Variants in ZNF516 observed in about 807,000 individuals in gnomAD.
ZNF516 encodes the protein zinc finger protein 516.
A neutral mutation model predicts 79.7 loss-of-function variants in ZNF516; 19 were observed. The ratio of observed to expected loss-of-function variants is 0.24; its 90% CI spans 0.17 to 0.35. ZNF516 has a LOEUF of 0.35. Among genes scored for constraint, ZNF516 ranks in the 10% least tolerant of loss-of-function variants. ZNF516 has a pLI of 1.00. For synonymous variants in ZNF516, 877 were observed against 739.5 expected (o/e 1.19, Z -3.02); for missense variants, 1,678 against 1,679.5 (o/e 1.00, Z 0.02).
In ZNF516 at chr18:76,359,559, A is replaced by G. The variant is rs690048; in HGVS notation, c.*2939T>C. ...GCAAAAATGAGGAAGAGATATGAGC[A>G]GGAAACAGGAGAGTATAGGAAGGCA... On this transcript the variant is annotated 3_prime_UTR_variant, in exon 7 of 7. Transcript: ENST00000443185. 0.95 allele frequency: 145,288 copies of G among 152,184 alleles called. 69,445 individuals carry two copies. Among genetic ancestry groups the G allele is most frequent in the East Asian group, 1 (5,139 of 5,140 alleles). 9.4% of individuals were successfully genotyped at this position (152,184 alleles called of 1,614,324 possible). A position where few individuals can be genotyped will look rare whatever the true frequency, so the allele number is the denominator to read the frequency against.
At chr18:76,377,330 A>G (rs1467162862) in intron 4 of ZNF516, among the ~76,000 whole-genome samples, 6 of 152,292 alleles carry the variant, frequency 3.9e-5, no homozygotes, top group Admixed American at 1.3e-4. Context: ...AAAGTTCACA[A>G]GTGCTCAGCG....
At chr18:76,395,111 G>A (rs1462136941) in intron 3 of ZNF516, among the ~76,000 whole-genome samples, 1 of 152,172 alleles carries the variant, frequency 6.6e-6, no homozygotes, top group Non-Finnish European at 1.5e-5. Flanking sequence ...GACAAAGCCT[G>A]CATGCCTGCA....
At chr18:76,406,665 G>C (rs1184021437) in intron 3 of ZNF516, among the ~76,000 whole-genome samples, 1 of 152,218 alleles carries the variant, frequency 6.6e-6, no homozygotes, top group Non-Finnish European at 1.5e-5. Context: ...TCCTGGCTCT[G>C]CTGGCCTGTC....
chr18:76,434,128 G>C (rs2075699464), intron 3 of ZNF516, among the ~76,000 whole-genome samples: 2 of 152,184 alleles, frequency 1.3e-5, no homozygotes, highest in African/African-American at 4.8e-5. Flanking sequence ...GATCCTGCCT[G>C]GTCCATGAGA....
intron 1 of ZNF516, chr18:76,490,299 G>C (rs905960841): frequency 1.0e-5 from 6 of 593,080 alleles, no homozygotes; most frequent in African/African-American, 2.0e-5. Context: ...GGGGGGGCGA[G>C]GGGTTCTCAG....
In ZNF516 at chr18:76,379,295, C is replaced by T; in HGVS notation, c.2819G>A (p.Gly940Asp). The stretch of plus-strand genomic sequence containing the variant: ...CTTGCTATTGGCCGAGGGCTGCGCG[C>T]CAGCCCGGGCGATGACGGTGGGCGT... Reference protein sequence around the residue: ...TPTPTVIARAGAQPSANSKPV... With the variant: ...TPTPTVIARADAQPSANSKPV... The change falls in exon 4 of 7, where the codon GGC becomes GAC. Residue 940 changes from glycine to aspartate, a missense_variant. By Grantham distance (94) the Gly-to-Asp change is moderately conservative. Around this residue, in one of 5 missense-constraint regions of ZNF516, gnomAD observed 1,294 missense variants for 1,248.3 expected, o/e 1.04. Coordinates refer to ENST00000443185, the MANE Select transcript of ZNF516 (RefSeq NM_014643.4). 6.2e-7 allele frequency: 1 copy of T among 1,609,034 alleles called. No homozygotes were observed.
At chr18:76,402,895 C>T (rs531988105) in intron 3 of ZNF516, among the ~76,000 whole-genome samples, 1 of 152,292 alleles carries the variant, frequency 6.6e-6, no homozygotes, top group South Asian at 2.1e-4. Flanking sequence ...CTGCTGTCTG[C>T]GCTCGCAGGA....
In ZNF516 at chr18:76,459,256, T is replaced by C. The variant is rs1217898750; in HGVS notation, c.-158+3772A>G. On this transcript the variant is annotated intron_variant, in intron 2 of 6. Transcript: ENST00000443185. This position sits in a 1 kb window ranked among gnomAD's most constrained non-coding sequence, Gnocchi z 5.0. ...GCCCCGAGCTTCGGCTTCTCCTCCA[T>C]GCACGGTCACTGCTGGAGGCACACT... is the stretch of plus-strand genomic sequence containing the variant. 2.0e-5 allele frequency among the ~76,000 whole-genome samples: 3 copies of C among 152,152 alleles called. No homozygotes were observed. Among genetic ancestry groups the C allele is most frequent in the Non-Finnish European group, 4.4e-5 (3 of 68,026 alleles).
intron 2 of ZNF516, among the ~76,000 whole-genome samples, chr18:76,446,578 T>C (rs1912063932): frequency 6.6e-6 from 1 of 152,170 alleles, no homozygotes; most frequent in Non-Finnish European, 1.5e-5. Flanking sequence ...ACCCCCGCCC[T>C]AGCTAGAGCC....
intron 3 of ZNF516, among the ~76,000 whole-genome samples, chr18:76,434,083 C>A (rs73975431): frequency 6.8e-4 from 101 of 147,970 alleles, no homozygotes; most frequent in African/African-American, 2.4e-3. Flanking sequence ...ACTGACGGCT[C>A]GGAGTGGAAT....
At chr18:76,395,521 C>A (rs1371524177) in intron 3 of ZNF516, among the ~76,000 whole-genome samples, 1 of 152,102 alleles carries the variant, frequency 6.6e-6, no homozygotes, top group African/African-American at 2.4e-5. Context: ...CTCTTAAGGA[C>A]CTGCAAATAA....
intron 3 of ZNF516, among the ~76,000 whole-genome samples, chr18:76,431,382 C>T (rs2075658633): frequency 6.6e-6 from 1 of 152,156 alleles, no homozygotes; most frequent in South Asian, 2.1e-4. Flanking sequence ...TGATGCAAAT[C>T]AAATGGCAAG....
In ZNF516 at chr18:76,379,404, G is replaced by A. The variant is rs1359985156; in HGVS notation, c.2710C>T (p.Pro904Ser). ...QEPHGAATQGPLAKPRQEASS... is the reference protein window; with the variant it reads ...QEPHGAATQGSLAKPRQEASS... ...GCCTCCTGCCTGGGCTTGGCCAGGG[G>A]CCCCTGTGTGGCCGCGCCATGTGGC... The change falls in exon 4 of 7, where the codon CCC becomes TCC. Residue 904 changes from proline to serine, a missense_variant. Coordinates refer to ENST00000443185, the MANE Select transcript of ZNF516 (RefSeq NM_014643.4). The A allele has an allele frequency of 6.2e-7, 1 of 1,606,640 alleles. No individual in the cohort carries two copies. The highest frequency in any genetic ancestry group is 1.7e-5 in the Admixed American group (1 of 59,308).
chr18:76,443,306 A>C, intron 2 of ZNF516, 95 bp from the exon 3 acceptor site: 4 of 483,284 alleles, frequency 8.3e-6, no homozygotes, highest in East Asian at 3.7e-5. Context: ...AAACATACCC[A>C]TCCAACCCAC....
At chr18:76,466,104 C>G (rs1231290622) in intron 1 of ZNF516, among the ~76,000 whole-genome samples, 1 of 152,198 alleles carries the variant, frequency 6.6e-6, no homozygotes, top group Non-Finnish European at 1.5e-5. Flanking sequence ...CTTCTAATGT[C>G]CCTGGGTGAC....
chr18:76,480,833 T>C (rs1486017628), intron 1 of ZNF516, among the ~76,000 whole-genome samples: 2 of 152,150 alleles, frequency 1.3e-5, no homozygotes, highest in Non-Finnish European at 2.9e-5. Flanking sequence ...GTTTTTACAT[T>C]TTAAAATGGT....
rs1041095504 is a variant in ZNF516, at chr18:76,476,001, A to G, written c.-271-12860T>C. Among the ~76,000 whole-genome samples the G allele has an allele frequency of 5.3e-5, 8 of 152,338 alleles. No homozygotes were observed. In the South Asian group the frequency reaches 6.2e-4, roughly 12 times the overall value. On this transcript the variant is annotated intron_variant, in intron 1 of 6. Coordinates refer to ENST00000443185, the MANE Select transcript of ZNF516 (RefSeq NM_014643.4). ...TCTCATGTTGTGAAACGTCTCACAC[A>G]CTTTTTCCTCAAAATGCAATTTCCT...
chr18:76,441,286 G>T lies in ZNF516; in HGVS notation c.1769C>A (p.Ala590Asp). ...GGCGCCCTCCTCACCACTGTCTTCGGCAGCCTCGTCGGCCAGGCCAGAGCC... is the reference window on the plus strand; with the variant it reads ...GGCGCCCTCCTCACCACTGTCTTCGTCAGCCTCGTCGGCCAGGCCAGAGCC... ...SPGSGLADEA[A>D]EDSGEEGAPE... The change falls in exon 3 of 7, where the codon GCC becomes GAC. Residue 590 changes from alanine to aspartate, a missense_variant. This residue lies in a region of ZNF516 where 1,294 missense variants were observed against 1,248.3 expected (regional missense o/e 1.04). Coordinates refer to ENST00000443185, the MANE Select transcript of ZNF516 (RefSeq NM_014643.4). The T allele has an allele frequency of 6.2e-7, 1 of 1,610,992 alleles. No individual in the cohort carries two copies. The highest frequency in any genetic ancestry group is 1.3e-5 in the African/African-American group (1 of 75,008).
chr18:76,384,948 C>T (rs1317890690), intron 3 of ZNF516, among the ~76,000 whole-genome samples: 4 of 152,224 alleles, frequency 2.6e-5, no homozygotes, highest in African/African-American at 4.8e-5. Flanking sequence ...AGGGCACACA[C>T]CAGAGAGGGA....
Sources: allele counts gnomAD v4.1 joint callset (sites outside exome capture counted in the v4.1 genomes callset), GRCh38; gene constraint gnomAD v4.1.1; regional missense constraint gnomAD v4.1.1; non-coding constraint Gnocchi (gnomAD v3.1); transcripts MANE v1.5; gene names NCBI Gene and HGNC (gene_info 2026-07-23, HGNC 2026-07-21).